The following H4C2 variants were observed in gnomAD, a reference collection of about 807,000 sequenced individuals.
H4C2 encodes the protein histone H4.
H4C2 carries 8 observed loss-of-function variants against 5.0 expected under a neutral mutation model. That is an observed-to-expected ratio of 1.61 (90% CI 0.94 to 2.90). The LOEUF is 2.90. Among genes scored for constraint, H4C2 ranks in the 30% most tolerant of loss-of-function variants. The pLI is 0.00. For missense variants in H4C2, 267 were observed against 145.6 expected (o/e 1.83, Z -4.29); for synonymous variants, 145 against 54.0 (o/e 2.69, Z -7.39).
rs1581631458 is a variant in H4C2 at position 26,027,100 on chromosome 6, A to T, written c.153T>A (p.Ile51=). The change falls in exon 1 of 1, where the codon ATT becomes ATA. Residue 51 remains isoleucine (I), a synonymous_variant. Coordinates refer to ENST00000377745, the MANE Select transcript of H4C2 (RefSeq NM_003544.3). Reference sequence around the variant, plus strand: ...TGAGAACGCCACGAGTCTCCTCATAAATCAAACCGGAAATTCGCTTAACCC... The same window carrying T: ...TGAGAACGCCACGAGTCTCCTCATATATCAAACCGGAAATTCGCTTAACCC... ...RGGVKRISGL[I]YEETRGVLKV... 6.2e-7 allele frequency: 1 copy of T among 1,614,146 alleles called. No individual in the cohort carries two copies. The highest frequency in any genetic ancestry group is 8.5e-7 in the Non-Finnish European group (1 of 1,180,020).
In H4C2 at chr6:26,027,203, TTGGCACCTCCCTTACCCAAACCTTTACC is replaced by T; in HGVS notation, c.22_49del (p.Gly8SerfsTer34). 1 of 1,613,962 alleles carries T rather than the reference TTGGCACCTCCCTTACCCAAACCTTTACC, an allele frequency of 6.2e-7. No homozygotes were observed. The highest frequency in any genetic ancestry group is 8.5e-7 in the Non-Finnish European group (1 of 1,179,812). ...ATCCCGCAGCACTTTTCGGTGACGC[TTGGCACCTCCCTTACCCAAACCTTTACC>T]GCCTTTGCCGCGACCAGACATGTCT... On this transcript the variant is annotated frameshift_variant, in exon 1 of 1. Transcript: ENST00000377745. LOFTEE classifies it high-confidence loss of function.
In H4C2 at chr6:26,027,238, G is replaced by C. The variant is rs776257737; in HGVS notation, c.15C>G (p.Gly5=). 1.9e-6 allele frequency: 3 copies of C among 1,605,260 alleles called. No homozygotes were observed. Among genetic ancestry groups the C allele is most frequent in the Non-Finnish European group, 1.7e-6 (2 of 1,172,528 alleles). The change falls in exon 1 of 1, where the codon GGC becomes GGG. Residue 5 remains glycine (G), a synonymous_variant. Transcript: ENST00000377745. The part of the protein sequence containing the change: MSGR[G]KGGKGLGKGG... Reference sequence around the variant, plus strand: ...CCTTACCCAAACCTTTACCGCCTTTGCCGCGACCAGACATGTCTAACCAGC... The same window carrying C: ...CCTTACCCAAACCTTTACCGCCTTTCCCGCGACCAGACATGTCTAACCAGC...
In H4C2 at chr6:26,027,092, TCCTC is replaced by T; in HGVS notation, c.157_160del (p.Glu53ArgfsTer13). ...AAACACCTTGAGAACGCCACGAGTC[TCCTC>T]ATAAATCAAACCGGAAATTCGCTTA... On this transcript the variant is annotated frameshift_variant, in exon 1 of 1. Coordinates refer to ENST00000377745, the MANE Select transcript of H4C2 (RefSeq NM_003544.3). LOFTEE classifies it high-confidence loss of function. 6.2e-7 allele frequency: 1 copy of T among 1,614,084 alleles called. No individual in the cohort carries two copies. The highest frequency in any genetic ancestry group is 8.5e-7 in the Non-Finnish European group (1 of 1,180,002).
rs138516170 is a variant in H4C2 at position 26,027,142 on chromosome 6, G to C, written c.111C>G (p.Arg37=). ...IQGITKPAIR[R]LARRGGVKRI... is the part of the protein sequence containing the mutation. ...GCTTAACCCCACCACGCCTAGCAAG[G>C]CGCCGAATGGCCGGTTTGGTGATGC... is the stretch of plus-strand genomic sequence containing the variant. The change falls in exon 1 of 1, where the codon CGC becomes CGG. Residue 37 remains arginine (R), a synonymous_variant. Transcript: ENST00000377745. 4 of 1,614,100 alleles carry C rather than the reference G, an allele frequency of 2.5e-6. No homozygotes were observed. The highest frequency in any genetic ancestry group is 1.6e-4 in the Middle Eastern group (1 of 6,084).
In H4C2 at chr6:26,027,007, GAC is replaced by G. The variant is rs763713647; in HGVS notation, c.244_245del (p.Val82HisfsTer?). The G allele has an allele frequency of 4.1e-4, 664 of 1,614,190 alleles. 3 individuals carry two copies. The highest frequency in any genetic ancestry group is 9.6e-4 in the South Asian group (87 of 91,080). On this transcript the variant is annotated frameshift_variant, in exon 1 of 1. Transcript: ENST00000377745. LOFTEE classifies it high-confidence loss of function. ...TYTEHAKRKT[V>X]TAMDVVYALK... ...GCGCGTAAACCACATCCATGGCAGT[GAC>G]AGTCTTGCGCTTGGCGTGCTCCGTG...
chr6:26,027,097 A>G lies in H4C2; in HGVS notation c.156T>C (p.Tyr52=), dbSNP rs773201997. The change falls in exon 1 of 1, where the codon TAT becomes TAC. Residue 52 remains tyrosine (Y), a synonymous_variant. Transcript: ENST00000377745. ...GGVKRISGLI[Y]EETRGVLKVF... ...CCTTGAGAACGCCACGAGTCTCCTC[A>G]TAAATCAAACCGGAAATTCGCTTAA... 11 of 1,614,210 alleles carry G rather than the reference A, an allele frequency of 6.8e-6. No homozygotes were observed. The highest frequency in any genetic ancestry group is 4.5e-5 in the East Asian group (2 of 44,882).
chr6:26,027,171 G>C lies in H4C2; in HGVS notation c.82C>G (p.Gln28Glu). The change falls in exon 1 of 1, where the codon CAA (glutamine) becomes GAA (glutamate). Residue 28 changes from glutamine (Q) to glutamate (E), a missense_variant. By Grantham distance (29) the Gln-to-Glu change is conservative (BLOSUM62 2). Transcript: ENST00000377745. ...CGAATGGCCGGTTTGGTGATGCCTT[G>C]GATGTTATCCCGCAGCACTTTTCGG... ...RHRKVLRDNIQGITKPAIRRL... is the reference protein window; with the variant it reads ...RHRKVLRDNIEGITKPAIRRL... 2 of 1,614,214 alleles carry C rather than the reference G, an allele frequency of 1.2e-6. No individual in the cohort carries two copies. Among genetic ancestry groups the C allele is most frequent in the Non-Finnish European group, 1.7e-6 (2 of 1,180,034 alleles).
At position 26,026,914 on chromosome 6, in the gene H4C2, G is replaced by A. The variant is rs761872377; in HGVS notation, c.*27C>T. On this transcript the variant is annotated 3_prime_UTR_variant, in exon 1 of 1. Transcript: ENST00000377745. ...GAGGGAGTGGGCGGCCCTGAAAAGG[G>A]CCATTGGAAGAAAACTGACGAAAAG... is the stretch of plus-strand genomic sequence containing the variant. 9.5e-6 allele frequency: 15 copies of A among 1,580,326 alleles called. No homozygotes were observed. The East Asian group carries it at 1.3e-4, about 14-fold the overall frequency.
rs770161997 is a variant in H4C2 at position 26,027,183 on chromosome 6, G to A, written c.70C>T (p.Arg24Trp). Residue 24 changes from arginine (R) to tryptophan (W), a missense_variant, in exon 1 of 1, where the codon CGG becomes TGG. Physicochemically the swap from Arg to Trp is moderately radical, Grantham distance 101. Transcript: ENST00000377745. ...TTGGTGATGCCTTGGATGTTATCCC[G>A]CAGCACTTTTCGGTGACGCTTGGCA... ...GGAKRHRKVL[R>W]DNIQGITKPA... The A allele has an allele frequency of 5.0e-6, 8 of 1,614,154 alleles. No homozygotes were observed. The highest frequency in any genetic ancestry group is 2.2e-5 in the South Asian group (2 of 91,082).
rs750506383 is a variant in H4C2, at chr6:26,027,175, G to A, written c.78C>T (p.Asn26=). 228 of 1,614,108 alleles carry A rather than the reference G, an allele frequency of 1.4e-4. 1 individual carries two copies. The highest frequency in any genetic ancestry group is 1.3e-4 in the South Asian group (12 of 91,092). The change falls in exon 1 of 1, where the codon AAC becomes AAT. Residue 26 remains asparagine (N), a synonymous_variant. Transcript: ENST00000377745. ...AKRHRKVLRD[N]IQGITKPAIR... ...TGGCCGGTTTGGTGATGCCTTGGAT[G>A]TTATCCCGCAGCACTTTTCGGTGAC...
chr6:26,027,270 C>A lies in H4C2; in HGVS notation c.-18G>T, dbSNP rs751901798. The A allele has an allele frequency of 2.6e-5, 41 of 1,582,796 alleles. No homozygotes were observed. Among genetic ancestry groups the A allele is most frequent in the Non-Finnish European group, 3.4e-5 (39 of 1,158,046 alleles). ...CCAGACATGTCTAACCAGCTGACAA[C>A]AAAAACCAGGTACGCGAAAAGAAAG... On this transcript the variant is annotated 5_prime_UTR_variant, in exon 1 of 1. Coordinates refer to ENST00000377745, the MANE Select transcript of H4C2 (RefSeq NM_003544.3).
Position 26,027,150 on chromosome 6 carries a change from T to C in H4C2, c.103A>G (p.Ile35Val), listed in dbSNP as rs778075262. Residue 35 changes from isoleucine (I) to valine (V), a missense_variant, in exon 1 of 1, where the codon ATT (isoleucine) becomes GTT (valine). Coordinates refer to ENST00000377745, the MANE Select transcript of H4C2 (RefSeq NM_003544.3). ...CCACCACGCCTAGCAAGGCGCCGAA[T>C]GGCCGGTTTGGTGATGCCTTGGATG... Reference protein sequence around the residue: ...DNIQGITKPAIRRLARRGGVK... With the variant: ...DNIQGITKPAVRRLARRGGVK... The C allele has an allele frequency of 6.2e-6, 10 of 1,614,122 alleles. No homozygotes were observed. The highest frequency in any genetic ancestry group is 3.3e-5 in the Admixed American group (2 of 60,008).
chr6:26,027,149 A>G lies in H4C2; in HGVS notation c.104T>C (p.Ile35Thr). 6.2e-7 allele frequency: 1 copy of G among 1,614,218 alleles called. No individual in the cohort carries two copies. Among genetic ancestry groups the G allele is most frequent in the Non-Finnish European group, 8.5e-7 (1 of 1,180,028 alleles). The change falls in exon 1 of 1, where the codon ATT (isoleucine) becomes ACT (threonine). Residue 35 changes from isoleucine (I) to threonine (T), a missense_variant. Physicochemically the swap from Ile to Thr is moderately conservative, Grantham distance 89. Transcript: ENST00000377745. The part of the protein sequence containing the change: ...DNIQGITKPA[I>T]RRLARRGGVK... ...CCCACCACGCCTAGCAAGGCGCCGA[A>G]TGGCCGGTTTGGTGATGCCTTGGAT...
At position 26,027,182 on chromosome 6, in the gene H4C2, CG is replaced by C; in HGVS notation, c.70del (p.Arg24GlyfsTer27). The C allele has an allele frequency of 1.9e-6, 3 of 1,614,174 alleles. No individual in the cohort carries two copies. Among genetic ancestry groups the C allele is most frequent in the Non-Finnish European group, 1.7e-6 (2 of 1,179,996 alleles). On this transcript the variant is annotated frameshift_variant, in exon 1 of 1. Coordinates refer to ENST00000377745, the MANE Select transcript of H4C2 (RefSeq NM_003544.3). LOFTEE classifies it high-confidence loss of function. ...GGAKRHRKVL[R>X]DNIQGITKPA... ...TTTGGTGATGCCTTGGATGTTATCCCGCAGCACTTTTCGGTGACGCTTGGCA... is the reference window on the plus strand; with the variant it reads ...TTTGGTGATGCCTTGGATGTTATCCCCAGCACTTTTCGGTGACGCTTGGCA...
Position 26,026,930 on chromosome 6 carries a change from T to A in H4C2, c.*11A>T. 1 of 1,598,562 alleles carries A rather than the reference T, an allele frequency of 6.3e-7. No homozygotes were observed. Among genetic ancestry groups the A allele is most frequent in the South Asian group, 1.1e-5 (1 of 88,844 alleles). ...CTGAAAAGGGCCATTGGAAGAAAACTGACGAAAAGATTAACCGCCGAAGCC... is the reference window on the plus strand; with the variant it reads ...CTGAAAAGGGCCATTGGAAGAAAACAGACGAAAAGATTAACCGCCGAAGCC... On this transcript the variant is annotated 3_prime_UTR_variant, in exon 1 of 1. Coordinates refer to ENST00000377745, the MANE Select transcript of H4C2 (RefSeq NM_003544.3).
At position 26,027,253 on chromosome 6, in the gene H4C2, G is replaced by T. The variant is rs149725119; in HGVS notation, c.-1C>A. The T allele has an allele frequency of 2.1e-5, 34 of 1,595,558 alleles. No homozygotes were observed. Among genetic ancestry groups the T allele is most frequent in the East Asian group, 2.0e-4 (9 of 44,340 alleles). On this transcript the variant is annotated 5_prime_UTR_variant, in exon 1 of 1. Transcript: ENST00000377745. ...TACCGCCTTTGCCGCGACCAGACAT[G>T]TCTAACCAGCTGACAACAAAAACCA...
At position 26,027,087 on chromosome 6, in the gene H4C2, G is replaced by C. The variant is rs553183619; in HGVS notation, c.166C>G (p.Arg56Gly). ...TCCAGAAACACCTTGAGAACGCCAC[G>C]AGTCTCCTCATAAATCAAACCGGAA... The part of the protein sequence containing the change: ...RISGLIYEET[R>G]GVLKVFLENV... The change falls in exon 1 of 1, where the codon CGT becomes GGT. Residue 56 changes from arginine to glycine, a missense_variant. Arg to Gly is a moderately radical substitution (Grantham distance 125). Transcript: ENST00000377745. The C allele has an allele frequency of 2.3e-5, 37 of 1,614,188 alleles. No individual in the cohort carries two copies. The highest frequency in any genetic ancestry group is 1.6e-4 in the Middle Eastern group (1 of 6,062).
chr6:26,027,111 A>C lies in H4C2; in HGVS notation c.142T>G (p.Ser48Ala). ...LARRGGVKRI[S>A]GLIYEETRGV... ...CGAGTCTCCTCATAAATCAAACCGG[A>C]AATTCGCTTAACCCCACCACGCCTA... The change falls in exon 1 of 1, where the codon TCC (serine) becomes GCC (alanine). Residue 48 changes from serine to alanine, a missense_variant. Physicochemically the swap from Ser to Ala is moderately conservative, Grantham distance 99. Transcript: ENST00000377745. 1.2e-6 allele frequency: 2 copies of C among 1,614,190 alleles called. No individual in the cohort carries two copies. Among genetic ancestry groups the C allele is most frequent in the South Asian group, 1.1e-5 (1 of 91,080 alleles).
rs141516292 is a variant in H4C2, at chr6:26,027,109, G to C, written c.144C>G (p.Ser48=). The change falls in exon 1 of 1, where the codon TCC becomes TCG. Residue 48 remains serine (S), a synonymous_variant. Coordinates refer to ENST00000377745, the MANE Select transcript of H4C2 (RefSeq NM_003544.3). ...LARRGGVKRI[S]GLIYEETRGV... ...CACGAGTCTCCTCATAAATCAAACC[G>C]GAAATTCGCTTAACCCCACCACGCC... is the stretch of plus-strand genomic sequence containing the variant. 6.2e-7 allele frequency: 1 copy of C among 1,614,168 alleles called. No individual in the cohort carries two copies. The highest frequency in any genetic ancestry group is 8.5e-7 in the Non-Finnish European group (1 of 1,180,026).
Sources: gnomAD v4.1 joint callset for allele counts on GRCh38, gnomAD v4.1.1 for gene constraint, MANE v1.5 for transcripts, NCBI Gene and HGNC (gene_info 2026-07-23, HGNC 2026-07-21) for gene names.